The following NELL1 variants were observed in gnomAD, a reference collection of about 807,000 sequenced individuals.
NELL1 encodes the protein protein kinase C-binding protein NELL1.
NELL1 carries 76 observed loss-of-function variants against 107.4 expected under a neutral mutation model. The observed-to-expected ratio is 0.71, with a 90% CI of 0.59 to 0.86. The LOEUF (loss-of-function observed/expected upper bound fraction) is 0.86. Ranked by LOEUF, NELL1 falls within the 40% of genes least tolerant of loss-of-function variation. NELL1 has a pLI of 0.00. For missense variants in NELL1, 1,024 were observed against 1,005.5 expected, an observed-to-expected ratio of 1.02 and a Z score of -0.25; for synonymous variants, 353 against 341.2, an observed-to-expected ratio of 1.03 and a Z score of -0.38.
intron 2 of NELL1, among the ~76,000 whole-genome samples, chr11:20,747,838 A>T (rs908133424): frequency 6.6e-5 from 10 of 152,298 alleles, no homozygotes; most frequent in African/African-American, 2.4e-4. Context: ...GCAGCTGTGT[A>T]TGGTTTCCCT....
chr11:20,923,566 T>C (rs1850426841), intron 7 of NELL1, among the ~76,000 whole-genome samples: 1 of 152,166 alleles, frequency 6.6e-6, no homozygotes, highest in Non-Finnish European at 1.5e-5. Flanking sequence ...TTGTGGGAAC[T>C]ACCTACCTGC....
chr11:21,126,956 C>A (rs1367275298), intron 13 of NELL1, among the ~76,000 whole-genome samples: 1 of 152,188 alleles, frequency 6.6e-6, no homozygotes, highest in African/African-American at 2.4e-5. Context: ...TAGAACAGAG[C>A]TTTGGAATGT....
intron 12 of NELL1, among the ~76,000 whole-genome samples, chr11:21,113,363 C>T (rs1855151050): frequency 6.6e-6 from 1 of 152,006 alleles, no homozygotes; most frequent in African/African-American, 2.4e-5. Context: ...ACTTCTTGGG[C>T]TCTTACCTGT....
At chr11:21,051,097 C>A (rs1853482788) in intron 12 of NELL1, among the ~76,000 whole-genome samples, 1 of 152,144 alleles carries the variant, frequency 6.6e-6, no homozygotes, top group Non-Finnish European at 1.5e-5. Flanking sequence ...ATGTTCATAG[C>A]AACCCAATTC....
chr11:21,083,075 A>G (rs1006693020), intron 12 of NELL1, among the ~76,000 whole-genome samples: 1 of 152,228 alleles, frequency 6.6e-6, no homozygotes, highest in African/African-American at 2.4e-5. Context: ...CAGGCTAGTC[A>G]GCAAGAGTAG....
At chr11:20,772,299 C>T (rs549733260) in intron 2 of NELL1, among the ~76,000 whole-genome samples, 5 of 152,196 alleles carry the variant, frequency 3.3e-5, no homozygotes, top group Admixed American at 2.6e-4. Context: ...ATGATGCTCT[C>T]GTGTTGGGGA....
At chr11:20,928,979 G>A (rs1243307348) in intron 9 of NELL1, among the ~76,000 whole-genome samples, 1 of 152,164 alleles carries the variant, frequency 6.6e-6, no homozygotes, top group Non-Finnish European at 1.5e-5. Flanking sequence ...AGAACATGTG[G>A]TATGTTCCAT....
intron 14 of NELL1, 93 bp downstream of exon 14, chr11:21,229,547 G>A (rs1857988876): frequency 2.0e-6 from 3 of 1,537,164 alleles, no homozygotes; most frequent in Non-Finnish European, 2.7e-6. Context: ...ACTCTTGGTG[G>A]AACACAGCCA....
intron 13 of NELL1, among the ~76,000 whole-genome samples, chr11:21,228,643 A>G (rs780057907): frequency 6.9e-6 from 1 of 144,946 alleles, no homozygotes; most frequent in Non-Finnish European, 1.5e-5. Context: ...TAAAGAAGCC[A>G]TGCAATCTCT....
Position 20,786,784 on chromosome 11 carries a change from A to G in NELL1, c.335+2954A>G, listed in dbSNP as rs984073233. On this transcript the variant is annotated intron_variant, in intron 3 of 19. Transcript: ENST00000357134. Reference sequence around the variant, plus strand: ...AGCACTTTGGGAGGCCAAGGTGGGCATATCACAAGGTCAGGAGATCGAGAC... The same window carrying G: ...AGCACTTTGGGAGGCCAAGGTGGGCGTATCACAAGGTCAGGAGATCGAGAC... Among the ~76,000 whole-genome samples the G allele has an allele frequency of 7.1e-3, 1,073 of 152,040 alleles. 7 individuals carry two copies. Among genetic ancestry groups the G allele is most frequent in the Non-Finnish European group, 0.011 (748 of 67,950 alleles).
intron 12 of NELL1, among the ~76,000 whole-genome samples, chr11:21,032,812 A>G (rs1161937634): frequency 6.6e-6 from 1 of 152,178 alleles, no homozygotes; most frequent in Non-Finnish European, 1.5e-5. Context: ...CTGCACAGTC[A>G]TGTTGATGTG....
intron 13 of NELL1, among the ~76,000 whole-genome samples, chr11:21,166,273 A>T (rs2133806476): frequency 6.6e-6 from 1 of 151,916 alleles, no homozygotes; most frequent in South Asian, 2.1e-4. Flanking sequence ...GGATGGTTAT[A>T]TTAATGGGTA....
chr11:20,783,330 G>C (rs1215713251), intron 2 of NELL1, among the ~76,000 whole-genome samples: 1 of 152,184 alleles, frequency 6.6e-6, no homozygotes, highest in East Asian at 1.9e-4. Context: ...GCAGCAAACT[G>C]AATTGCTCAG....
chr11:21,072,122 ATTAAC>A (rs1854030498), intron 12 of NELL1, among the ~76,000 whole-genome samples: 1 of 152,192 alleles, frequency 6.6e-6, no homozygotes, highest in Admixed American at 6.6e-5. Flanking sequence ...GACCTGGTCT[ATTAAC>A]TTGTTTAGCT....
At chr11:20,714,410 G>T (rs1855190523) in intron 2 of NELL1, among the ~76,000 whole-genome samples, 1 of 150,968 alleles carries the variant, frequency 6.6e-6, no homozygotes, top group Non-Finnish European at 1.5e-5. Flanking sequence ...GTTTCACCAT[G>T]TTAGACAGGC....
chr11:21,444,607 C>T (rs981224148), intron 15 of NELL1, among the ~76,000 whole-genome samples: 1 of 151,950 alleles, frequency 6.6e-6, no homozygotes, highest in Non-Finnish European at 1.5e-5. Context: ...TTTGTGGATA[C>T]ATAGTAGGGA....
intron 3 of NELL1, among the ~76,000 whole-genome samples, chr11:20,845,934 G>T (rs7114377): frequency 0.34 from 51,074 of 152,016 alleles, 9,944 homozygotes; most frequent in African/African-American, 0.54. Flanking sequence ...TTAATGAATG[G>T]CCAATAGTCT....
chr11:21,422,092 C>CGT (rs1564886248), intron 15 of NELL1, among the ~76,000 whole-genome samples: 23 of 50,076 alleles, frequency 4.6e-4, no homozygotes, highest in African/African-American at 8.4e-4. Flanking sequence ...GACATTTACA[C>CGT]ATATGTGTGT....
intron 2 of NELL1, among the ~76,000 whole-genome samples, chr11:20,750,671 T>C (rs1353073691): frequency 6.6e-6 from 1 of 152,064 alleles, no homozygotes; most frequent in Non-Finnish European, 1.5e-5. Flanking sequence ...ACTGTACCCT[T>C]GAATTCTTGG....
Sources: allele counts gnomAD v4.1 joint callset (sites outside exome capture counted in the v4.1 genomes callset), GRCh38; gene constraint gnomAD v4.1.1; transcripts MANE v1.5; gene names NCBI Gene and HGNC (gene_info 2026-07-23, HGNC 2026-07-21).